The following AUTS2 variants were observed in gnomAD, a reference collection of about 807,000 sequenced individuals.
AUTS2 encodes autism susceptibility gene 2 protein.
AUTS2 carries 17 observed loss-of-function variants against 112.4 expected under a neutral mutation model. That is an observed-to-expected ratio of 0.15 (90% CI 0.10 to 0.23). The LOEUF (loss-of-function observed/expected upper bound fraction) is 0.23, where lower values mean the gene tolerates loss of function less well. AUTS2 is among the 10% of genes least tolerant of loss of function. The pLI is 1.00. For missense variants in AUTS2, 1,510 were observed against 1,701.6 expected (o/e 0.89, Z 1.98); for synonymous variants, 751 against 702.7 (o/e 1.07, Z -1.09).
rs563261623 is a variant in AUTS2 at position 70,466,047 on chromosome 7, A to T, written c.690+30266A>T. On this transcript the variant is annotated intron_variant, in intron 5 of 18. Transcript: ENST00000342771. ...ACCAGGAACACGGTGGAGAGAACAG[A>T]TATAGCTGACTCTGTGTGATCAGTG... 3.3e-5 allele frequency among the ~76,000 whole-genome samples: 5 copies of T among 152,274 alleles called. 1 individual carries two copies. The South Asian group carries it at 1.0e-3, about 32-fold the overall frequency.
intron 6 of AUTS2, among the ~76,000 whole-genome samples, chr7:70,709,253 A>T (rs1809914348): frequency 6.6e-6 from 1 of 152,050 alleles, no homozygotes; most frequent in East Asian, 1.9e-4. Context: ...GCCCACCGCA[A>T]GGAGGTGGCA....
At chr7:70,038,406 G>C (rs1193848406) in intron 2 of AUTS2, among the ~76,000 whole-genome samples, 1 of 152,094 alleles carries the variant, frequency 6.6e-6, no homozygotes, top group African/African-American at 2.4e-5. Context: ...TTCAAAACTG[G>C]ATCTCTTGAG....
chr7:70,562,468 G>A (rs1801530583), intron 5 of AUTS2, among the ~76,000 whole-genome samples: 1 of 152,224 alleles, frequency 6.6e-6, no homozygotes, highest in Admixed American at 6.5e-5. Context: ...TTATGTCAGG[G>A]TCTGTATTGA....
At chr7:69,894,343 C>A (rs1480677031) in intron 1 of AUTS2, among the ~76,000 whole-genome samples, 1 of 120,206 alleles carries the variant, frequency 8.3e-6, no homozygotes, top group Non-Finnish European at 1.7e-5. Context: ...GTAAGGGAGG[C>A]AGTTTTTTTT....
intron 1 of AUTS2, among the ~76,000 whole-genome samples, chr7:69,724,693 T>C (rs951872548): frequency 4.6e-5 from 7 of 152,198 alleles, no homozygotes; most frequent in African/African-American, 1.7e-4. Context: ...CAAACTCTCT[T>C]AGTGATCATT....
chr7:70,148,090 T>A lies in AUTS2; in HGVS notation c.660+13519T>A, dbSNP rs1331012288. Among the ~76,000 whole-genome samples, 8 of 152,114 alleles carry A rather than the reference T, an allele frequency of 5.3e-5. No individual in the cohort carries two copies. In the East Asian group the frequency reaches 1.5e-3, roughly 29 times the overall value. On this transcript the variant is annotated intron_variant, in intron 4 of 18. Coordinates refer to ENST00000342771, the MANE Select transcript of AUTS2 (RefSeq NM_015570.4). ...TTCCCTGTAAGTGTTTAATCATATC[T>A]GATTAAATGAGCATTACTCACAAAT...
At chr7:70,123,620 A>G (rs1805805007) in intron 3 of AUTS2, among the ~76,000 whole-genome samples, 1 of 152,170 alleles carries the variant, frequency 6.6e-6, no homozygotes, top group African/African-American at 2.4e-5. Context: ...CTGTTCCTAC[A>G]TTAGTTTGCT....
In AUTS2 at chr7:70,521,076, C is replaced by T. The variant is rs142171451; in HGVS notation, c.690+85295C>T. Among the ~76,000 whole-genome samples, 10 of 152,258 alleles carry T rather than the reference C, an allele frequency of 6.6e-5. No homozygotes were observed. In the East Asian group the frequency reaches 7.7e-4, roughly 12 times the overall value. ...TCAACTACTTTATCTTCTGTCTCTC[C>T]ATGCCTAGCAAATGCTAGGTGTTTG... On this transcript the variant is annotated intron_variant, in intron 5 of 18. Transcript: ENST00000342771.
chr7:70,291,308 A>T (rs922801589), intron 4 of AUTS2: 4 of 152,198 alleles, frequency 2.6e-5, no homozygotes, highest in African/African-American at 9.6e-5. Flanking sequence ...TTTACCCCAT[A>T]GCTTTCAAAA....
At chr7:70,508,599 G>C (rs1162610212) in intron 5 of AUTS2, among the ~76,000 whole-genome samples, 1 of 152,128 alleles carries the variant, frequency 6.6e-6, no homozygotes, top group Non-Finnish European at 1.5e-5. Context: ...GACAGAAAGG[G>C]ACTGAGAAAA....
At chr7:69,945,338 A>G (rs1422627870) in intron 2 of AUTS2, among the ~76,000 whole-genome samples, 1 of 152,200 alleles carries the variant, frequency 6.6e-6, no homozygotes, top group African/African-American at 2.4e-5. Flanking sequence ...GACATTTCAT[A>G]TAAATGGAAT....
intron 2 of AUTS2, among the ~76,000 whole-genome samples, chr7:69,905,348 G>A (rs1223392000): frequency 6.6e-6 from 1 of 152,100 alleles, no homozygotes; most frequent in Admixed American, 6.5e-5. Flanking sequence ...ATATATATGT[G>A]GGTAGATAAG....
At chr7:70,581,441 C>T (rs1802439628) in intron 5 of AUTS2, among the ~76,000 whole-genome samples, 1 of 152,130 alleles carries the variant, frequency 6.6e-6, no homozygotes, top group African/African-American at 2.4e-5. Flanking sequence ...GCCTATAGTC[C>T]CGGCTACTCA....
At chr7:70,394,829 A>G (rs772784853) in intron 4 of AUTS2, among the ~76,000 whole-genome samples, 8 of 151,908 alleles carry the variant, frequency 5.3e-5, no homozygotes, top group Non-Finnish European at 7.4e-5. Context: ...TGTAATCCCA[A>G]TGCTTTGGGA....
intron 4 of AUTS2, among the ~76,000 whole-genome samples, chr7:70,255,652 T>C (rs566723475): frequency 6.6e-6 from 1 of 152,310 alleles, no homozygotes; most frequent in African/African-American, 2.4e-5. Context: ...AAGCTCACAT[T>C]GTAGAATATG....
At chr7:70,591,400 G>GTTTGTTTT (rs1802939048) in intron 5 of AUTS2, among the ~76,000 whole-genome samples, 1 of 151,908 alleles carries the variant, frequency 6.6e-6, no homozygotes, top group African/African-American at 2.4e-5. Context: ...TTGTTTGTTT[G>GTTTGTTTT]TTTGTTTGTT....
At chr7:70,612,546 G>A (rs1341426318) in intron 5 of AUTS2, among the ~76,000 whole-genome samples, 1 of 151,968 alleles carries the variant, frequency 6.6e-6, no homozygotes, top group Non-Finnish European at 1.5e-5. Context: ...TGAGGAAACT[G>A]AGGTCCAGTA....
chr7:70,516,065 G>GAATTCTGATTCA (rs1350822601), intron 5 of AUTS2, among the ~76,000 whole-genome samples: 5 of 152,170 alleles, frequency 3.3e-5, no homozygotes, highest in Non-Finnish European at 7.3e-5. Flanking sequence ...ATTACTGTGT[G>GAATTCTGATTCA]TTACTTTATG....
chr7:70,721,626 A>G (rs77287812), intron 6 of AUTS2, among the ~76,000 whole-genome samples: 2,843 of 152,220 alleles, frequency 0.019, 89 homozygotes, highest in African/African-American at 0.065. Flanking sequence ...GGACACTGAG[A>G]TGTTGTACAT....
Sources: gnomAD v4.1 joint callset for allele counts (sites outside exome capture counted in the v4.1 genomes callset) on GRCh38, gnomAD v4.1.1 for gene constraint, MANE v1.5 for transcripts, NCBI Gene and HGNC (gene_info 2026-07-23, HGNC 2026-07-21) for gene names.